The following CNTNAP2 variants were observed in gnomAD, a reference collection of about 807,000 sequenced individuals.
CNTNAP2 encodes the protein contactin associated protein 2, also known as contactin-associated protein-like 2.
A neutral mutation model predicts 155.2 loss-of-function variants in CNTNAP2; 98 were observed. That is an observed-to-expected ratio of 0.63 (90% CI 0.54 to 0.75). The LOEUF (loss-of-function observed/expected upper bound fraction) is 0.75. Ranked by LOEUF, CNTNAP2 falls within the 30% of genes least tolerant of loss-of-function variation. The pLI is 0.00. For synonymous variants in CNTNAP2, 651 were observed against 631.2 expected (o/e 1.03, Z -0.47); for missense variants, 1,727 against 1,688.1 (o/e 1.02, Z -0.40).
In CNTNAP2 at chr7:146,575,898, C is replaced by T. The variant is rs765449063; in HGVS notation, c.98-198373C>T. On this transcript the variant is annotated intron_variant, in intron 1 of 23. Transcript: ENST00000361727. ...TAAATCTTGTCTACCGAAAGGCTTA[C>T]GAAAAAGGAAAAGAAAGGAGAGAGG... is the stretch of plus-strand genomic sequence containing the variant. Among the ~76,000 whole-genome samples, 6 of 151,864 alleles carry T rather than the reference C, an allele frequency of 4.0e-5. No individual in the cohort carries two copies. In the South Asian group the frequency reaches 1.0e-3, roughly 26 times the overall value.
At chr7:148,298,920 G>A (rs952756109) in intron 21 of CNTNAP2, among the ~76,000 whole-genome samples, 3 of 151,586 alleles carry the variant, frequency 2.0e-5, no homozygotes, top group Non-Finnish European at 2.9e-5. Flanking sequence ...GGCTGGTCTC[G>A]AACTCCTGGG....
At chr7:146,242,268 C>G (rs1319170162) in intron 1 of CNTNAP2, among the ~76,000 whole-genome samples, 1 of 152,032 alleles carries the variant, frequency 6.6e-6, no homozygotes, top group South Asian at 2.1e-4. Context: ...GGCCGGGCGC[C>G]GTGGCTCACA....
chr7:146,868,920 G>A (rs1795254593), intron 3 of CNTNAP2, among the ~76,000 whole-genome samples: 1 of 152,142 alleles, frequency 6.6e-6, no homozygotes, highest in Non-Finnish European at 1.5e-5. Context: ...TTTGGTCTGA[G>A]ACTATGTGCT....
chr7:147,357,711 T>C (rs761156366), intron 9 of CNTNAP2, among the ~76,000 whole-genome samples: 3 of 152,130 alleles, frequency 2.0e-5, no homozygotes, highest in Non-Finnish European at 2.9e-5. Context: ...GTTTCTGTCA[T>C]GATACTGTCC....
chr7:146,766,264 G>C (rs1032253017), intron 1 of CNTNAP2, among the ~76,000 whole-genome samples: 2 of 152,108 alleles, frequency 1.3e-5, no homozygotes, highest in African/African-American at 4.8e-5. Flanking sequence ...TTAAATTGCT[G>C]ATTATATATG....
chr7:147,236,677 G>A (rs1248141282), intron 8 of CNTNAP2, among the ~76,000 whole-genome samples: 2 of 150,944 alleles, frequency 1.3e-5, no homozygotes, highest in African/African-American at 2.4e-5. Flanking sequence ...TATTCTGCTC[G>A]GAGCTGGGGG....
At position 147,196,969 on chromosome 7, in the gene CNTNAP2, T is replaced by C. The variant is rs79911229; in HGVS notation, c.1348+64460T>C. Among the ~76,000 whole-genome samples the C allele has an allele frequency of 2.3e-3, 356 of 152,216 alleles. 1 individual carries two copies. The highest frequency in any genetic ancestry group is 8.1e-3 in the African/African-American group (338 of 41,544). ...CTGGAGGCAGGGAACCTAAGGCTGA[T>C]TTACGCGGACTTCTAGAACTAAATC... On this transcript the variant is annotated intron_variant, in intron 8 of 23. Transcript: ENST00000361727.
At chr7:147,588,535 C>T (rs1053255531) in intron 12 of CNTNAP2, among the ~76,000 whole-genome samples, 1 of 152,054 alleles carries the variant, frequency 6.6e-6, no homozygotes, top group African/African-American at 2.4e-5. Context: ...GACATATTTC[C>T]CTAGGTTTTA....
chr7:147,804,971 C>T (rs181464377), intron 13 of CNTNAP2, among the ~76,000 whole-genome samples: 12 of 152,322 alleles, frequency 7.9e-5, no homozygotes, highest in Admixed American at 5.9e-4. Context: ...ACCTCATAAT[C>T]CAGTTATCCT....
intron 3 of CNTNAP2, among the ~76,000 whole-genome samples, chr7:146,947,449 T>C (rs867699871): frequency 5.4e-5 from 7 of 130,198 alleles, no homozygotes; most frequent in African/African-American, 2.0e-4. Context: ...CACACACACA[T>C]ATATCTTTCT....
chr7:147,373,285 G>C (rs1796379307), intron 9 of CNTNAP2, among the ~76,000 whole-genome samples: 2 of 151,908 alleles, frequency 1.3e-5, no homozygotes, highest in Admixed American at 1.3e-4. Flanking sequence ...AAAATGGCCA[G>C]TTTCAAGGTG....
rs1427497182 is a variant in CNTNAP2, at chr7:146,969,331, T to G, written c.403-74576T>G. 1.3e-5 allele frequency among the ~76,000 whole-genome samples: 2 copies of G among 152,134 alleles called. 1 individual carries two copies. The highest frequency in any genetic ancestry group is 2.9e-5 in the Non-Finnish European group (2 of 68,016). On this transcript the variant is annotated intron_variant, in intron 3 of 23. Transcript: ENST00000361727. ...GTCTGTAGATGTCTATTAGGTCCGCTTGGTGCAGAGCTGAGTTCAATTCCT... is the reference window on the plus strand; with the variant it reads ...GTCTGTAGATGTCTATTAGGTCCGCGTGGTGCAGAGCTGAGTTCAATTCCT...
At chr7:146,504,473 A>G (rs1488722063) in intron 1 of CNTNAP2, among the ~76,000 whole-genome samples, 1 of 152,226 alleles carries the variant, frequency 6.6e-6, no homozygotes, top group Non-Finnish European at 1.5e-5. Flanking sequence ...CTTGGGCAGC[A>G]ATCAATATGT....
chr7:147,863,882 G>A (rs1335699960), intron 13 of CNTNAP2, among the ~76,000 whole-genome samples: 2 of 152,100 alleles, frequency 1.3e-5, no homozygotes, highest in African/African-American at 4.8e-5. Context: ...TAGGTTGCCT[G>A]TTCACTCCAA....
intron 11 of CNTNAP2, among the ~76,000 whole-genome samples, chr7:147,525,527 T>A (rs537303422): frequency 2.0e-5 from 3 of 152,294 alleles, no homozygotes; most frequent in Admixed American, 2.0e-4. Context: ...TAAAAATGGT[T>A]GGGCGTGTCC....
chr7:147,104,783 AT>A (rs1800725038), intron 4 of CNTNAP2, among the ~76,000 whole-genome samples: 1 of 148,758 alleles, frequency 6.7e-6, no homozygotes. Context: ...CCAAACTCAA[AT>A]TATTAGTGTA....
At chr7:146,755,749 A>C (rs1030625830) in intron 1 of CNTNAP2, among the ~76,000 whole-genome samples, 2 of 151,976 alleles carry the variant, frequency 1.3e-5, no homozygotes, top group African/African-American at 4.8e-5. Flanking sequence ...GTGCAGAATG[A>C]ATTTGTAAAC....
intron 5 of CNTNAP2, among the ~76,000 whole-genome samples, chr7:147,111,168 ATCT>A (rs1800870880): frequency 6.6e-6 from 1 of 152,068 alleles, no homozygotes; most frequent in South Asian, 2.1e-4. Context: ...CCACATGTAT[ATCT>A]TCTTTTGAGA....
At chr7:148,041,092 C>T (rs575988424) in intron 15 of CNTNAP2, among the ~76,000 whole-genome samples, 92 of 152,280 alleles carry the variant, frequency 6.0e-4, no homozygotes, top group African/African-American at 1.8e-3. Context: ...GGCCTGCTGG[C>T]CTGTCTTATT....
Sources: gnomAD v4.1 joint callset for allele counts (sites outside exome capture counted in the v4.1 genomes callset) on GRCh38, gnomAD v4.1.1 for gene constraint, MANE v1.5 for transcripts, NCBI Gene and HGNC (gene_info 2026-07-23, HGNC 2026-07-21) for gene names.